The following SMCHD1 variants were observed in gnomAD, a reference collection of about 807,000 sequenced individuals.
SMCHD1 encodes the protein structural maintenance of chromosomes flexible hinge domain-containing protein 1.
Under a neutral mutation model 254.7 loss-of-function variants are expected in SMCHD1, and 78 were observed. The ratio of observed to expected loss-of-function variants is 0.31; its 90% CI spans 0.26 to 0.37. The LOEUF (loss-of-function observed/expected upper bound fraction) is 0.37. Among genes scored for constraint, SMCHD1 ranks in the 10% least tolerant of loss-of-function variants. SMCHD1 has a pLI of 1.00. For synonymous variants in SMCHD1, 766 were observed against 794.9 expected, an observed-to-expected ratio of 0.96 and a Z score of 0.61; for missense variants, 1,840 against 2,408.1, an observed-to-expected ratio of 0.76 and a Z score of 4.94.
At chr18:2,778,514 T>C (rs1227519993) in intron 44 of SMCHD1, among the ~76,000 whole-genome samples, 1 of 152,180 alleles carries the variant, frequency 6.6e-6, no homozygotes, top group Non-Finnish European at 1.5e-5. Flanking sequence ...TAAAATGTAA[T>C]TTGCTGTAGC....
intron 29 of SMCHD1, 94 bp downstream of exon 29, chr18:2,744,022 C>A: frequency 3.6e-6 from 4 of 1,118,822 alleles, no homozygotes; most frequent in South Asian, 4.2e-5. Flanking sequence ...TATTTTGTTG[C>A]TGAAGTAACA....
At chr18:2,670,652 G>A (rs2073568017) in intron 3 of SMCHD1, among the ~76,000 whole-genome samples, 1 of 152,092 alleles carries the variant, frequency 6.6e-6, no homozygotes, top group African/African-American at 2.4e-5. Flanking sequence ...TGTAATCCCA[G>A]CACTTTGGGA....
chr18:2,706,319 A>C, intron 14 of SMCHD1, 45 bp from the exon 15 acceptor site: 1 of 1,336,346 alleles, frequency 7.5e-7, no homozygotes. Flanking sequence ...TTACAGCTAG[A>C]TTTAAATAGT....
At chr18:2,722,730 T>G in intron 20 of SMCHD1, 67 bp downstream of exon 20, 1 of 1,412,380 alleles carries the variant, frequency 7.1e-7, no homozygotes, top group South Asian at 1.5e-5. Context: ...TTTTTTCAGC[T>G]TCATTTTTTT....
intron 37 of SMCHD1, among the ~76,000 whole-genome samples, chr18:2,764,304 T>TA (rs1450342305): frequency 6.6e-6 from 1 of 152,226 alleles, no homozygotes. Flanking sequence ...GCTGCCTGCA[T>TA]ACCATGTGTG....
chr18:2,798,391 T>C (rs1311576939), intron 47 of SMCHD1, among the ~76,000 whole-genome samples: 1 of 152,184 alleles, frequency 6.6e-6, no homozygotes, highest in African/African-American at 2.4e-5. Flanking sequence ...GAAAGACTCT[T>C]TGCAGTGGAT....
Position 2,752,510 on chromosome 18 carries a change from A to T in SMCHD1, c.4304A>T (p.Lys1435Ile). Residue 1435 changes from lysine (K) to isoleucine (I), a missense_variant, in exon 34 of 48, where the codon AAA becomes ATA. This residue lies in a region of SMCHD1 where 881 missense variants were observed against 1,009.5 expected (regional missense o/e 0.87). Transcript: ENST00000320876. Reference protein sequence around the residue: ...PANAETFSCNKIKDNDKEDGC... With the variant: ...PANAETFSCNIIKDNDKEDGC... ...TAGGCAGAAACATTTAGTTGTAATA[A>T]AATAAAAGATAATGACAAAGAAGAT... The T allele has an allele frequency of 6.2e-7, 1 of 1,603,132 alleles. No individual in the cohort carries two copies. The highest frequency in any genetic ancestry group is 8.5e-7 in the Non-Finnish European group (1 of 1,170,772).
rs116032096 is a variant in SMCHD1 at position 2,771,670 on chromosome 18, A to G, written c.5052+52A>G. ...ATTTTTTATTAAAGTCTATTCTACA[A>G]TTTTCTCAATTATTCAGTTTTTATT... On this transcript the variant is annotated intron_variant, in intron 40 of 47. Transcript: ENST00000320876. The G allele has an allele frequency of 7.5e-4, 1,010 of 1,345,708 alleles. 10 individuals are homozygous for G. In the African/African-American group the frequency reaches 0.014, roughly 18 times the overall value. The allele number at this position is 1,345,708 out of a possible 1,614,324, so 83.4% of individuals were successfully genotyped here.
chr18:2,756,069 C>A (rs2075672967), intron 34 of SMCHD1, among the ~76,000 whole-genome samples: 1 of 152,136 alleles, frequency 6.6e-6, no homozygotes, highest in African/African-American at 2.4e-5. Flanking sequence ...AAATTGACTT[C>A]AGATTTCATC....
At chr18:2,760,577 GA>G in intron 34 of SMCHD1, 74 bp from the exon 35 acceptor site, 1 of 830,814 alleles carries the variant, frequency 1.2e-6, no homozygotes, top group East Asian at 2.5e-5. Context: ...GGAAAGAACA[GA>G]AATGTTGACT....
intron 45 of SMCHD1, among the ~76,000 whole-genome samples, chr18:2,787,623 G>A (rs944495693): frequency 2.0e-5 from 3 of 152,098 alleles, no homozygotes; most frequent in Non-Finnish European, 4.4e-5. Context: ...GCATTTTATG[G>A]CAGTAGTTCC....
chr18:2,723,786 T>C (rs1344999399), intron 20 of SMCHD1, among the ~76,000 whole-genome samples: 1 of 152,176 alleles, frequency 6.6e-6, no homozygotes, highest in Non-Finnish European at 1.5e-5. Flanking sequence ...GATCTGGAGA[T>C]CTGAGATCTA....
intron 25 of SMCHD1, among the ~76,000 whole-genome samples, chr18:2,737,748 T>C (rs1183850929): frequency 6.6e-6 from 1 of 152,026 alleles, no homozygotes; most frequent in Non-Finnish European, 1.5e-5. Context: ...GATTTTAAAA[T>C]CACAACTATA....
intron 44 of SMCHD1, among the ~76,000 whole-genome samples, chr18:2,779,877 C>T (rs910187866): frequency 6.6e-6 from 1 of 152,062 alleles, no homozygotes; most frequent in Admixed American, 6.6e-5. Flanking sequence ...CCAAGTCACA[C>T]TTTACTAATT....
chr18:2,755,394 C>A (rs1306227474), intron 34 of SMCHD1, among the ~76,000 whole-genome samples: 2 of 151,954 alleles, frequency 1.3e-5, no homozygotes, highest in Non-Finnish European at 2.9e-5. Context: ...CTCCTGAGTT[C>A]AAGCAATCCT....
chr18:2,698,230 G>A (rs2143157688), intron 10 of SMCHD1, among the ~76,000 whole-genome samples, 189 bp downstream of exon 10: 2 of 152,200 alleles, frequency 1.3e-5, no homozygotes, highest in Admixed American at 1.3e-4. Flanking sequence ...TTCATTTCTA[G>A]ATGAATAAAT....
intron 1 of SMCHD1, among the ~76,000 whole-genome samples, chr18:2,659,763 G>GA (rs58068466): frequency 0.041 from 4,721 of 115,298 alleles, 131 homozygotes; most frequent in East Asian, 0.079. Flanking sequence ...TTGAGATTTT[G>GA]AAAAAAAAAA....
chr18:2,712,898 T>C (rs374374709), intron 17 of SMCHD1, among the ~76,000 whole-genome samples: 16 of 152,352 alleles, frequency 1.1e-4, no homozygotes, highest in East Asian at 5.8e-4. Flanking sequence ...GATCTGGCCC[T>C]TCCTCTCTCT....
chr18:2,723,220 GT>G (rs1482766522), intron 20 of SMCHD1, among the ~76,000 whole-genome samples: 2 of 152,042 alleles, frequency 1.3e-5, no homozygotes, highest in East Asian at 3.9e-4. Context: ...AGACCCTCTT[GT>G]TTTGTGAATG....
Sources: gnomAD v4.1 joint callset for allele counts (sites outside exome capture counted in the v4.1 genomes callset) on GRCh38, gnomAD v4.1.1 for gene constraint, gnomAD v4.1.1 regional missense constraint, MANE v1.5 for transcripts, NCBI Gene and HGNC (gene_info 2026-07-23, HGNC 2026-07-21) for gene names.